Variants in SDK1 observed in about 807,000 individuals in gnomAD.
The protein encoded by SDK1 is protein sidekick-1.
Under a neutral mutation model 245.5 loss-of-function variants are expected in SDK1, and 157 were observed. The ratio of observed to expected loss-of-function variants is 0.64; its 90% CI spans 0.56 to 0.73. SDK1 has a LOEUF of 0.73. SDK1 is among the 30% of genes least tolerant of loss of function. SDK1 has a pLI of 0.00. For missense variants in SDK1, 3,583 were observed against 3,002.3 expected (o/e 1.19, Z -4.52); for synonymous variants, 1,647 against 1,278.5 (o/e 1.29, Z -6.15).
At chr7:3,782,425 G>A (rs142983484) in intron 4 of SDK1, among the ~76,000 whole-genome samples, 3 of 152,322 alleles carry the variant, frequency 2.0e-5, no homozygotes, top group South Asian at 2.1e-4. Flanking sequence ...CCGTGAGATT[G>A]AGAGGATAAA....
intron 1 of SDK1, among the ~76,000 whole-genome samples, chr7:3,520,818 A>G (rs1412067745): frequency 1.3e-5 from 2 of 152,196 alleles, no homozygotes; most frequent in African/African-American, 4.8e-5. Context: ...CCTTTTTATT[A>G]GACCTTGCAC....
At chr7:4,200,135 C>G (rs116293367) in intron 35 of SDK1, among the ~76,000 whole-genome samples, 3 of 152,124 alleles carry the variant, frequency 2.0e-5, no homozygotes, top group African/African-American at 7.2e-5. Context: ...TCTTAGATTT[C>G]CTCTGCGTAC....
intron 25 of SDK1, among the ~76,000 whole-genome samples, chr7:4,122,971 T>G (rs751972241): frequency 9.9e-5 from 15 of 152,206 alleles, no homozygotes; most frequent in Non-Finnish European, 1.9e-4. Flanking sequence ...CCTCCCTATC[T>G]CCACGTGAGA....
chr7:3,591,935 C>T (rs796520087), intron 1 of SDK1, among the ~76,000 whole-genome samples: 4 of 152,298 alleles, frequency 2.6e-5, no homozygotes, highest in Admixed American at 1.3e-4. Context: ...TAAATTTCCA[C>T]AAAAGGTGAC....
chr7:3,363,286 T>C (rs1020722715), intron 1 of SDK1, among the ~76,000 whole-genome samples: 2 of 152,220 alleles, frequency 1.3e-5, no homozygotes, highest in African/African-American at 2.4e-5. Flanking sequence ...CTAGATTGTT[T>C]TCTATTTCAG....
chr7:3,384,850 C>G (rs1781571725), intron 1 of SDK1, among the ~76,000 whole-genome samples: 2 of 152,172 alleles, frequency 1.3e-5, no homozygotes, highest in African/African-American at 4.8e-5. Flanking sequence ...ATTTTACTTA[C>G]TGCAGTACCC....
At chr7:4,114,361 C>T (rs935660543) in intron 25 of SDK1, 87 bp downstream of exon 25, 82 of 1,047,792 alleles carry the variant, frequency 7.8e-5, no homozygotes, top group African/African-American at 1.6e-4. Context: ...AGGCTAGTGG[C>T]GTCTCATTGG....
intron 4 of SDK1, among the ~76,000 whole-genome samples, chr7:3,795,258 AT>A (rs1005784425): frequency 5.5e-4 from 83 of 151,400 alleles, no homozygotes; most frequent in African/African-American, 1.7e-3. Context: ...TGTGGCTGTG[AT>A]TTTTTTTTCC....
At chr7:3,971,680 TC>T in intron 12 of SDK1, 112 bp downstream of exon 12, 1 of 791,600 alleles carries the variant, frequency 1.3e-6, no homozygotes, top group Non-Finnish European at 2.1e-6. Flanking sequence ...CAGCAGCAGG[TC>T]CCTGATTACG....
At chr7:3,313,621 C>T (rs1368430584) in intron 1 of SDK1, among the ~76,000 whole-genome samples, 1 of 152,120 alleles carries the variant, frequency 6.6e-6, no homozygotes, top group Non-Finnish European at 1.5e-5. Flanking sequence ...GTTTCCACTA[C>T]AAGTACTCAT....
intron 1 of SDK1, among the ~76,000 whole-genome samples, chr7:3,577,232 C>G (rs1780323660): frequency 6.6e-6 from 1 of 151,348 alleles, no homozygotes; most frequent in Non-Finnish European, 1.5e-5. Context: ...TTACACTACT[C>G]TACAAATCAT....
intron 1 of SDK1, among the ~76,000 whole-genome samples, chr7:3,553,537 C>T (rs563545708): frequency 5.3e-5 from 8 of 152,204 alleles, no homozygotes; most frequent in African/African-American, 1.9e-4. Context: ...GCAGACCTGG[C>T]CTTTCTTGAC....
At chr7:3,694,693 A>G (rs949483386) in intron 4 of SDK1, among the ~76,000 whole-genome samples, 1 of 152,158 alleles carries the variant, frequency 6.6e-6, no homozygotes, top group African/African-American at 2.4e-5. Flanking sequence ...GGAACATTTG[A>G]AAAACATCCG....
intron 25 of SDK1, among the ~76,000 whole-genome samples, chr7:4,125,795 G>C (rs1264242799): frequency 1.3e-5 from 2 of 152,198 alleles, no homozygotes; most frequent in African/African-American, 4.8e-5. Flanking sequence ...TTGATCACCT[G>C]CTGACCAACA....
At chr7:3,867,887 A>T (rs778372543) in intron 5 of SDK1, among the ~76,000 whole-genome samples, 14 of 151,922 alleles carry the variant, frequency 9.2e-5, no homozygotes, top group Non-Finnish European at 7.4e-5. Flanking sequence ...CTGCATGAAC[A>T]TGTTCTTTTT....
intron 5 of SDK1, among the ~76,000 whole-genome samples, chr7:3,830,778 T>C (rs1779894821): frequency 6.6e-6 from 1 of 152,110 alleles, no homozygotes; most frequent in Admixed American, 6.5e-5. Flanking sequence ...ATTACAAGAG[T>C]GAGCCACTGC....
At chr7:3,472,666 T>C (rs1277702904) in intron 1 of SDK1, among the ~76,000 whole-genome samples, 1 of 152,232 alleles carries the variant, frequency 6.6e-6, no homozygotes, top group Non-Finnish European at 1.5e-5. Context: ...AGTATCTCAT[T>C]AAACTTTATG....
intron 43 of SDK1, among the ~76,000 whole-genome samples, chr7:4,243,913 G>A (rs867255485): frequency 8.5e-5 from 13 of 152,178 alleles, no homozygotes; most frequent in Admixed American, 3.3e-4. Context: ...TGTCTCCCCC[G>A]TGCACGTTTG....
In SDK1 at chr7:3,320,258, G is replaced by A. The variant is rs551261685; in HGVS notation, c.298+18374G>A. 3.5e-5 allele frequency among the ~76,000 whole-genome samples: 5 copies of A among 143,804 alleles called. No individual in the cohort carries two copies. The South Asian group carries it at 1.1e-3, about 33-fold the overall frequency. 94.3% of individuals were successfully genotyped at this position (143,804 alleles called of 152,430 possible). Reference sequence around the variant, plus strand: ...TTTCCAGATATCTTTGCCATCGTTTGCAGTTACAGCTTTTTTTTTCTATTT... The same window carrying A: ...TTTCCAGATATCTTTGCCATCGTTTACAGTTACAGCTTTTTTTTTCTATTT... On this transcript the variant is annotated intron_variant, in intron 1 of 44. Coordinates refer to ENST00000404826, the MANE Select transcript of SDK1 (RefSeq NM_152744.4).
Sources: allele counts gnomAD v4.1 joint callset (sites outside exome capture counted in the v4.1 genomes callset), GRCh38; gene constraint gnomAD v4.1.1; transcripts MANE v1.5; gene names NCBI Gene and HGNC (gene_info 2026-07-23, HGNC 2026-07-21).